Variants in GABRG3 observed in about 807,000 individuals in gnomAD.
The protein encoded by GABRG3 is gamma-aminobutyric acid receptor subunit gamma-3.
GABRG3 carries 25 observed loss-of-function variants against 48.8 expected under a neutral mutation model. The ratio of observed to expected loss-of-function variants is 0.51; its 90% CI spans 0.37 to 0.72. The LOEUF (loss-of-function observed/expected upper bound fraction) is 0.72, where lower values mean the gene tolerates loss of function less well. Among genes scored for constraint, GABRG3 ranks in the 30% least tolerant of loss-of-function variants. The pLI is 0.00. For synonymous variants in GABRG3, 227 were observed against 217.6 expected, an observed-to-expected ratio of 1.04 and a Z score of -0.38; for missense variants, 394 against 577.9, an observed-to-expected ratio of 0.68 and a Z score of 3.26.
At chr15:27,119,476 T>C (rs1897695811) in intron 3 of GABRG3, among the ~76,000 whole-genome samples, 1 of 152,220 alleles carries the variant, frequency 6.6e-6, no homozygotes. Context: ...TGCATGATGA[T>C]AGTTATCTAC....
intron 3 of GABRG3, among the ~76,000 whole-genome samples, chr15:27,132,378 A>G (rs1357547377): frequency 1.4e-5 from 2 of 140,946 alleles, no homozygotes; most frequent in Non-Finnish European, 3.0e-5. Context: ...AGCACAATTT[A>G]TTGAAGAGAA....
chr15:27,375,326 CAG>C (rs1289240459), intron 5 of GABRG3, among the ~76,000 whole-genome samples: 1 of 152,136 alleles, frequency 6.6e-6, no homozygotes, highest in East Asian at 1.9e-4. Flanking sequence ...TTGGGAGAAA[CAG>C]AGGATTGAGA....
chr15:27,322,409 G>T (rs1893460082), intron 3 of GABRG3, among the ~76,000 whole-genome samples: 2 of 152,124 alleles, frequency 1.3e-5, no homozygotes, highest in African/African-American at 4.8e-5. Context: ...CTCATGGATG[G>T]TTCTCGAATA....
At chr15:27,316,311 C>T (rs1036954390) in intron 3 of GABRG3, among the ~76,000 whole-genome samples, 71 of 148,124 alleles carry the variant, frequency 4.8e-4, no homozygotes, top group African/African-American at 1.8e-3. Context: ...TGGCGTGAAC[C>T]CGGGAGGCAG....
intron 3 of GABRG3, among the ~76,000 whole-genome samples, chr15:27,204,752 C>T (rs1263564746): frequency 6.6e-6 from 1 of 152,068 alleles, no homozygotes. Context: ...AGAGATCTTT[C>T]ACCTCCTTGT....
chr15:27,159,144 A>C (rs1898509396), intron 3 of GABRG3, among the ~76,000 whole-genome samples: 1 of 152,150 alleles, frequency 6.6e-6, no homozygotes, highest in Non-Finnish European at 1.5e-5. Flanking sequence ...TAAGCAATTT[A>C]ATTTTTATGG....
At chr15:27,124,746 C>T (rs1187093518) in intron 3 of GABRG3, among the ~76,000 whole-genome samples, 1 of 152,172 alleles carries the variant, frequency 6.6e-6, no homozygotes, top group Admixed American at 6.5e-5. Context: ...AGCCAGCTCA[C>T]CCCAGGCACC....
At chr15:27,023,197 A>G (rs1895927612) in intron 2 of GABRG3, among the ~76,000 whole-genome samples, 1 of 152,152 alleles carries the variant, frequency 6.6e-6, no homozygotes, top group Non-Finnish European at 1.5e-5. Flanking sequence ...AAAAAATAGA[A>G]TCTGCTTTCT....
chr15:27,395,620 A>G (rs1211331229), intron 5 of GABRG3, among the ~76,000 whole-genome samples: 1 of 152,342 alleles, frequency 6.6e-6, no homozygotes, highest in African/African-American at 2.4e-5. Context: ...CAAGAGTTCA[A>G]GAGAAGAGAT....
intron 2 of GABRG3, among the ~76,000 whole-genome samples, chr15:26,988,786 G>T (rs529619494): frequency 6.6e-6 from 1 of 151,798 alleles, no homozygotes; most frequent in African/African-American, 2.4e-5. Context: ...TTATTTTAGT[G>T]GTTGCATTAA....
At chr15:27,189,869 A>G (rs2140421808) in intron 3 of GABRG3, among the ~76,000 whole-genome samples, 1 of 152,234 alleles carries the variant, frequency 6.6e-6, no homozygotes, top group South Asian at 2.1e-4. Context: ...GGTTTGTCAT[A>G]GATAGCTCTT....
chr15:27,460,205 C>A (rs552736186), intron 5 of GABRG3, among the ~76,000 whole-genome samples: 7 of 152,274 alleles, frequency 4.6e-5, no homozygotes, highest in South Asian at 2.1e-4. Context: ...ACAACAAAAA[C>A]AATATTTCAA....
At chr15:27,255,939 C>G (rs1176471053) in intron 3 of GABRG3, among the ~76,000 whole-genome samples, 1 of 152,202 alleles carries the variant, frequency 6.6e-6, no homozygotes, top group Non-Finnish European at 1.5e-5. Context: ...AGAATAATGA[C>G]CCTCTCTCTC....
chr15:27,188,813 C>A (rs1888191391), intron 3 of GABRG3, among the ~76,000 whole-genome samples: 1 of 152,128 alleles, frequency 6.6e-6, no homozygotes, highest in Non-Finnish European at 1.5e-5. Context: ...ATGCCTATGT[C>A]CTGAATGGTA....
At chr15:27,324,003 C>G (rs1400036476) in intron 3 of GABRG3, among the ~76,000 whole-genome samples, 1 of 152,188 alleles carries the variant, frequency 6.6e-6, no homozygotes, top group Non-Finnish European at 1.5e-5. Context: ...TGTGGCCACA[C>G]CCAGCCCCAA....
At chr15:27,408,557 C>T (rs1378059261) in intron 5 of GABRG3, among the ~76,000 whole-genome samples, 1 of 152,030 alleles carries the variant, frequency 6.6e-6, no homozygotes, top group Non-Finnish European at 1.5e-5. Context: ...CAAGCAAACC[C>T]CGGGACCAAA....
intron 3 of GABRG3, among the ~76,000 whole-genome samples, chr15:27,113,449 G>A (rs1050250832): frequency 6.6e-6 from 1 of 152,158 alleles, no homozygotes; most frequent in African/African-American, 2.4e-5. Context: ...AAGAGTTACC[G>A]GATGGTGAAT....
chr15:27,483,031 T>G (rs1890136363), intron 6 of GABRG3: 1 of 152,250 alleles, frequency 6.6e-6, no homozygotes, highest in South Asian at 2.1e-4. Context: ...GAGACTTGGA[T>G]GTAATATATT....
At chr15:27,056,445 G>C (rs1461352913) in intron 3 of GABRG3, among the ~76,000 whole-genome samples, 1 of 151,990 alleles carries the variant, frequency 6.6e-6, no homozygotes, top group East Asian at 1.9e-4. Context: ...ATGGTTTTAG[G>C]TCCTGAAATG....
Sources: gnomAD v4.1 joint callset for allele counts (sites outside exome capture counted in the v4.1 genomes callset) on GRCh38, gnomAD v4.1.1 for gene constraint, MANE v1.5 for transcripts, NCBI Gene and HGNC (gene_info 2026-07-23, HGNC 2026-07-21) for gene names.